The following NPAS3 variants were observed in gnomAD, a reference collection of about 807,000 sequenced individuals.
NPAS3 encodes neuronal PAS domain-containing protein 3.
In NPAS3, 14 loss-of-function variants were observed where a neutral mutation model predicts 73.1. That is an observed-to-expected ratio of 0.19 (90% CI 0.13 to 0.30). The LOEUF is 0.30. Among genes scored for constraint, NPAS3 ranks in the 10% least tolerant of loss-of-function variants. The pLI is 1.00. For missense variants in NPAS3, 1,096 were observed against 1,250.0 expected, an observed-to-expected ratio of 0.88 and a Z score of 1.86; for synonymous variants, 620 against 541.5, an observed-to-expected ratio of 1.14 and a Z score of -2.01.
At chr14:33,770,329 G>T (rs2062611427) in intron 7 of NPAS3, among the ~76,000 whole-genome samples, 1 of 152,146 alleles carries the variant, frequency 6.6e-6, no homozygotes, top group South Asian at 2.1e-4. Context: ...TAGAACTCTG[G>T]GGGATAGAGT....
At chr14:33,348,613 T>C (rs2044865451) in intron 3 of NPAS3, among the ~76,000 whole-genome samples, 1 of 152,204 alleles carries the variant, frequency 6.6e-6, no homozygotes, top group African/African-American at 2.4e-5. Context: ...TTGTCTGTTT[T>C]TTAAAGATCT....
intron 2 of NPAS3, among the ~76,000 whole-genome samples, chr14:33,067,960 C>T (rs2041337127): frequency 6.6e-6 from 1 of 152,146 alleles, no homozygotes; most frequent in South Asian, 2.1e-4. Context: ...TTTAAAACTT[C>T]CCTTCTTTTC....
At chr14:33,741,222 C>A (rs2061648315) in intron 7 of NPAS3, among the ~76,000 whole-genome samples, 1 of 152,148 alleles carries the variant, frequency 6.6e-6, no homozygotes, top group South Asian at 2.1e-4. Flanking sequence ...TCTCCTAAAG[C>A]CTTTTGCTTC....
intron 1 of NPAS3, among the ~76,000 whole-genome samples, chr14:33,009,441 A>T (rs1368430263): frequency 6.6e-6 from 1 of 152,102 alleles, no homozygotes; most frequent in African/African-American, 2.4e-5. Context: ...TTCAGGAGGG[A>T]AAGTGATTGC....
intron 6 of NPAS3, among the ~76,000 whole-genome samples, chr14:33,726,885 G>T (rs888124567): frequency 6.6e-6 from 1 of 152,160 alleles, no homozygotes; most frequent in Non-Finnish European, 1.5e-5. Flanking sequence ...AGTAGAAGGT[G>T]CACGCTCAGT....
At chr14:33,211,933 G>A (rs976422623) in intron 2 of NPAS3, among the ~76,000 whole-genome samples, 11 of 152,054 alleles carry the variant, frequency 7.2e-5, no homozygotes, top group South Asian at 2.1e-4. Flanking sequence ...AAGTTTAATC[G>A]TATTTTAGAT....
intron 4 of NPAS3, among the ~76,000 whole-genome samples, chr14:33,425,843 C>T (rs535241431): frequency 2.0e-5 from 3 of 152,070 alleles, no homozygotes; most frequent in Non-Finnish European, 4.4e-5. Context: ...GAACCTGCAG[C>T]ATCAGCACCT....
intron 2 of NPAS3, among the ~76,000 whole-genome samples, chr14:33,197,604 G>T (rs922541778): frequency 6.6e-6 from 1 of 152,034 alleles, no homozygotes; most frequent in Non-Finnish European, 1.5e-5. Flanking sequence ...AAAGGTAAAA[G>T]GTCAAAACCC....
chr14:33,516,969 C>T (rs2140064525), intron 4 of NPAS3, among the ~76,000 whole-genome samples: 1 of 152,160 alleles, frequency 6.6e-6, no homozygotes, highest in East Asian at 1.9e-4. Context: ...GGTCTCCCAG[C>T]ATGGGATTAG....
intron 5 of NPAS3, among the ~76,000 whole-genome samples, chr14:33,673,272 C>T (rs991303006): frequency 2.6e-5 from 4 of 152,192 alleles, no homozygotes; most frequent in Admixed American, 6.5e-5. Flanking sequence ...GGGCTCTGAA[C>T]CAAATTCTGT....
intron 2 of NPAS3, among the ~76,000 whole-genome samples, chr14:33,175,106 A>C (rs1595609766): frequency 6.6e-6 from 1 of 152,140 alleles, no homozygotes; most frequent in Non-Finnish European, 1.5e-5. Context: ...ATTTTTTTAT[A>C]TCCAGGAACC....
Position 33,800,572 on chromosome 14 carries a change from GCGGGACAAGCAC to G in NPAS3, c.2267_2278del (p.Arg756_His759del). Reference sequence around the variant, plus strand: ...TGTCACCCCCGCTCTCGGCGTCCCCGCGGGACAAGCACCCCGGGAACGGCGGCGGGGGCGGGG... The same window carrying G: ...TGTCACCCCCGCTCTCGGCGTCCCCGCCCGGGAACGGCGGCGGGGGCGGGG... On this transcript the variant is annotated inframe_deletion, in exon 12 of 12. Transcript: ENST00000356141. This position sits in a 1 kb window ranked among gnomAD's most constrained non-coding sequence, Gnocchi z 6.5. 1 of 1,306,990 alleles carries G rather than the reference GCGGGACAAGCAC, an allele frequency of 7.7e-7. No homozygotes were observed. Among genetic ancestry groups the G allele is most frequent in the South Asian group, 2.5e-5 (1 of 39,676 alleles). 81.0% of individuals were successfully genotyped at this position (1,306,990 alleles called of 1,614,324 possible).
At chr14:33,215,636 G>T (rs149826270) in intron 3 of NPAS3, 38 of 709,060 alleles carry the variant, frequency 5.4e-5, no homozygotes, top group South Asian at 2.0e-4. Context: ...AAGTCTATCA[G>T]CCTAAAATTC....
At chr14:33,261,313 G>A (rs895089846) in intron 3 of NPAS3, among the ~76,000 whole-genome samples, 27 of 137,882 alleles carry the variant, frequency 2.0e-4, no homozygotes, top group African/African-American at 5.8e-4. Flanking sequence ...AAAAAAAAAA[G>A]AACTCATTTT....
In NPAS3 at chr14:33,367,288, A is replaced by G. The variant is rs1454622277; in HGVS notation, c.468+20A>G. 3 of 826,310 alleles carry G rather than the reference A, an allele frequency of 3.6e-6. No individual in the cohort carries two copies. Among genetic ancestry groups the G allele is most frequent in the Non-Finnish European group, 6.2e-6 (3 of 481,270 alleles). The allele number at this position is 826,310 out of a possible 1,614,324, so 51.2% of individuals were successfully genotyped here. A position where few individuals can be genotyped will look rare whatever the true frequency, so the allele number is the denominator to read the frequency against. ...TTGCAGGTACCTTTAAAACAAAAAG[A>G]AGCTTTCTTATATTTTACTAAGAAA... is the stretch of plus-strand genomic sequence containing the variant. On this transcript the variant is annotated intron_variant, in intron 4 of 11. Transcript: ENST00000356141.
chr14:33,649,529 ATTAATATT>A (rs1259486587), intron 5 of NPAS3, among the ~76,000 whole-genome samples: 2 of 151,660 alleles, frequency 1.3e-5, no homozygotes, highest in African/African-American at 2.4e-5. Context: ...GAACTCGGCT[ATTAATATT>A]TTATCATAGA....
At chr14:33,212,115 G>A (rs1278659014) in intron 2 of NPAS3, among the ~76,000 whole-genome samples, 2 of 152,154 alleles carry the variant, frequency 1.3e-5, no homozygotes, top group African/African-American at 4.8e-5. Context: ...TTATAACTGG[G>A]CCCTACTTTA....
At chr14:33,732,763 C>T (rs141712083) in intron 6 of NPAS3, among the ~76,000 whole-genome samples, 188 of 152,282 alleles carry the variant, frequency 1.2e-3, no homozygotes, top group African/African-American at 4.4e-3. Flanking sequence ...GTATAATTAA[C>T]GTTGCCCCTG....
intron 3 of NPAS3, among the ~76,000 whole-genome samples, chr14:33,318,138 C>T (rs1017803526): frequency 3.3e-5 from 5 of 151,952 alleles, no homozygotes; most frequent in East Asian, 1.9e-4. Flanking sequence ...GGGGTATATA[C>T]GTACAAGGGA....
Sources: gnomAD v4.1 joint callset for allele counts (sites outside exome capture counted in the v4.1 genomes callset) on GRCh38, gnomAD v4.1.1 for gene constraint, Gnocchi (gnomAD v3.1) non-coding constraint, MANE v1.5 for transcripts, NCBI Gene and HGNC (gene_info 2026-07-23, HGNC 2026-07-21) for gene names.